The following ZBTB20 variants were observed in gnomAD, a reference collection of about 807,000 sequenced individuals.
The protein encoded by ZBTB20 is zinc finger and BTB domain-containing protein 20.
ZBTB20 carries 9 observed loss-of-function variants against 56.9 expected under a neutral mutation model. That is an observed-to-expected ratio of 0.16 (90% CI 0.10 to 0.28). ZBTB20 has a LOEUF of 0.28. Ranked by LOEUF, ZBTB20 falls within the 10% of genes least tolerant of loss-of-function variation. The probability of loss-of-function intolerance (pLI) is 1.00; values close to 1 mark genes in which losing one functional copy is unlikely to be tolerated. For missense variants in ZBTB20, 655 were observed against 1,003.0 expected (o/e 0.65, Z 4.69); for synonymous variants, 417 against 420.7 (o/e 0.99, Z 0.11).
At position 115,138,586 on chromosome 3, in the gene ZBTB20, T is replaced by C. The variant is rs1280439974; in HGVS notation, c.-703+8633A>G. 3.9e-5 allele frequency among the ~76,000 whole-genome samples: 6 copies of C among 152,100 alleles called. No homozygotes were observed. The East Asian group carries it at 1.2e-3, about 29-fold the overall frequency. ...ATTAAGAGCTTAGGTTCTCCAGAGC[T>C]GTACTTGAGTTTAATTTCCCATGTG... On this transcript the variant is annotated intron_variant, in intron 1 of 11. Transcript: ENST00000675478.
chr3:114,522,192 G>A lies in ZBTB20; in HGVS notation c.-294-21801C>T, dbSNP rs1055521911. On this transcript the variant is annotated intron_variant, in intron 6 of 11. Coordinates refer to ENST00000675478, the MANE Select transcript of ZBTB20 (RefSeq NM_001348800.3). ...ATGTTAAATACAGTGGTTATGAAAG[G>A]CCTTACTTAGAAGTGAAAATTGAGC... Among the ~76,000 whole-genome samples the A allele has an allele frequency of 2.6e-5, 4 of 152,242 alleles. No individual in the cohort carries two copies. In the South Asian group the frequency reaches 8.3e-4, roughly 32 times the overall value.
chr3:114,864,647 C>T (rs574701148), intron 4 of ZBTB20, among the ~76,000 whole-genome samples: 22 of 152,046 alleles, frequency 1.4e-4, no homozygotes, highest in Admixed American at 3.9e-4. Context: ...ACAAATATTG[C>T]CTGCTTTGAG....
intron 6 of ZBTB20, among the ~76,000 whole-genome samples, chr3:114,522,538 C>T (rs1358511941): frequency 6.6e-6 from 1 of 152,110 alleles, no homozygotes; most frequent in African/African-American, 2.4e-5. Context: ...ATCACTCTGG[C>T]TATCATTTTG....
intron 1 of ZBTB20, among the ~76,000 whole-genome samples, chr3:115,112,597 C>T (rs755428075): frequency 2.6e-5 from 4 of 152,268 alleles, no homozygotes; most frequent in Non-Finnish European, 5.9e-5. Flanking sequence ...AACATAATGA[C>T]CTCCAGCTCC....
chr3:114,874,002 G>C (rs566225212), intron 4 of ZBTB20: 12 of 152,250 alleles, frequency 7.9e-5, no homozygotes, highest in African/African-American at 2.9e-4. Flanking sequence ...CTATTCTGGA[G>C]GTATCATCAA....
intron 1 of ZBTB20, among the ~76,000 whole-genome samples, chr3:115,083,321 T>C (rs1001879263): frequency 1.3e-5 from 2 of 152,020 alleles, no homozygotes; most frequent in Admixed American, 1.3e-4. Flanking sequence ...GCCTAGAGTT[T>C]ATAAATCCAA....
intron 7 of ZBTB20, among the ~76,000 whole-genome samples, chr3:114,492,728 G>T (rs965792054): frequency 2.0e-5 from 3 of 151,972 alleles, no homozygotes; most frequent in Non-Finnish European, 4.4e-5. Context: ...TTAGATTAAC[G>T]TGCAGTTGTA....
intron 3 of ZBTB20, among the ~76,000 whole-genome samples, chr3:114,913,387 G>T (rs903795736): frequency 6.6e-6 from 1 of 152,000 alleles, no homozygotes; most frequent in African/African-American, 2.4e-5. Flanking sequence ...GTCTTCTTGT[G>T]AGAAAAGTCT....
chr3:114,676,837 C>T (rs1285628467), intron 6 of ZBTB20, among the ~76,000 whole-genome samples: 1 of 148,110 alleles, frequency 6.8e-6, no homozygotes. Context: ...TGCAGTGGCA[C>T]GATCTGGGCT....
intron 3 of ZBTB20, among the ~76,000 whole-genome samples, chr3:114,935,816 C>G (rs2076514746): frequency 6.6e-6 from 1 of 152,152 alleles, no homozygotes; most frequent in Non-Finnish European, 1.5e-5. Flanking sequence ...TGAATTTAAA[C>G]AAGCACATTT....
At chr3:114,525,204 T>C (rs1045421494) in intron 6 of ZBTB20, among the ~76,000 whole-genome samples, 35 of 152,274 alleles carry the variant, frequency 2.3e-4, no homozygotes, top group African/African-American at 7.7e-4. Flanking sequence ...ATAAATTTCA[T>C]AAGGGGAAAA....
chr3:114,769,825 G>A (rs2399508), intron 5 of ZBTB20, among the ~76,000 whole-genome samples: 11,217 of 152,036 alleles, frequency 0.074, 558 homozygotes, highest in Non-Finnish European at 0.11. Flanking sequence ...TTGGGAGGAC[G>A]AGGTGGGTGG....
chr3:114,933,638 C>T (rs2076432644), intron 3 of ZBTB20, among the ~76,000 whole-genome samples: 1 of 151,544 alleles, frequency 6.6e-6, no homozygotes, highest in South Asian at 2.1e-4. Flanking sequence ...AAAACCCAGG[C>T]CTAGAGCAGT....
chr3:114,694,461 G>A (rs1408886180), intron 5 of ZBTB20, among the ~76,000 whole-genome samples: 2 of 151,996 alleles, frequency 1.3e-5, no homozygotes, highest in African/African-American at 4.8e-5. Flanking sequence ...AAAATGGCCA[G>A]CATGATTACT....
intron 6 of ZBTB20, among the ~76,000 whole-genome samples, chr3:114,545,429 A>C (rs768303101): frequency 1.3e-5 from 2 of 152,208 alleles, no homozygotes; most frequent in Non-Finnish European, 2.9e-5. Flanking sequence ...GCGAGGATCA[A>C]GAACACTGGC....
chr3:114,715,669 T>A (rs557503722), intron 5 of ZBTB20, among the ~76,000 whole-genome samples: 2 of 152,210 alleles, frequency 1.3e-5, no homozygotes, highest in Non-Finnish European at 2.9e-5. Flanking sequence ...ATGAGGTTAC[T>A]TCGTCTTGCT....
intron 4 of ZBTB20, among the ~76,000 whole-genome samples, chr3:114,825,473 A>G (rs2073476350): frequency 6.6e-6 from 1 of 151,876 alleles, no homozygotes; most frequent in African/African-American, 2.4e-5. Context: ...TTTCTCTCAT[A>G]ACTCCAGAAG....
At position 114,336,206 on chromosome 3, in the gene ZBTB20, T is replaced by C. The variant is rs1032226369; in HGVS notation, c.*2799A>G. On this transcript the variant is annotated 3_prime_UTR_variant, in exon 12 of 12. Transcript: ENST00000675478. ...TGTCATTGTCTCCTAGCTTTAAGAGTTTTTTTCTTAAGGTCAATCTTCTCT... is the reference window on the plus strand; with the variant it reads ...TGTCATTGTCTCCTAGCTTTAAGAGCTTTTTTCTTAAGGTCAATCTTCTCT... The C allele has an allele frequency of 6.6e-6, 1 of 152,154 alleles. No homozygotes were observed. The highest frequency in any genetic ancestry group is 2.4e-5 in the African/African-American group (1 of 41,434). The allele number at this position is 152,154 out of a possible 1,614,324, so 9.4% of individuals were successfully genotyped here.
intron 6 of ZBTB20, among the ~76,000 whole-genome samples, chr3:114,656,131 A>G (rs1448346462): frequency 1.3e-5 from 2 of 152,316 alleles, no homozygotes; most frequent in East Asian, 3.9e-4. Context: ...ATGGCATTAC[A>G]TTTAGTATGA....
Sources: gnomAD v4.1 joint callset for allele counts (sites outside exome capture counted in the v4.1 genomes callset) on GRCh38, gnomAD v4.1.1 for gene constraint, MANE v1.5 for transcripts, NCBI Gene and HGNC (gene_info 2026-07-23, HGNC 2026-07-21) for gene names.